PHKB: variants seen among roughly 807,000 people sequenced by gnomAD.
PHKB encodes the protein phosphorylase kinase regulatory subunit beta.
Under a neutral mutation model 152.1 loss-of-function variants are expected in PHKB, and 122 were observed. That is an observed-to-expected ratio of 0.80 (90% CI 0.69 to 0.93). The LOEUF (loss-of-function observed/expected upper bound fraction) is 0.93, where lower values mean the gene tolerates loss of function less well. PHKB is among the 40% of genes least tolerant of loss of function. The pLI is 0.00. For synonymous variants in PHKB, 436 were observed against 464.9 expected, an observed-to-expected ratio of 0.94 and a Z score of 0.80; for missense variants, 1,304 against 1,328.4, an observed-to-expected ratio of 0.98 and a Z score of 0.29.
intron 8 of PHKB, among the ~76,000 whole-genome samples, chr16:47,586,708 A>T (rs549219466): frequency 1.3e-5 from 2 of 152,330 alleles, no homozygotes; most frequent in Admixed American, 6.5e-5. Flanking sequence ...TTAAAGTAAC[A>T]TGAAATTTAT....
At chr16:47,545,093 A>AT (rs1366319187) in intron 6 of PHKB, among the ~76,000 whole-genome samples, 1 of 152,158 alleles carries the variant, frequency 6.6e-6, no homozygotes, top group Non-Finnish European at 1.5e-5. Flanking sequence ...GCCCATTTAC[A>AT]TTTAAGGTTA....
At chr16:47,544,479 A>G (rs1187580232) in intron 6 of PHKB, among the ~76,000 whole-genome samples, 1 of 152,160 alleles carries the variant, frequency 6.6e-6, no homozygotes, top group Non-Finnish European at 1.5e-5. Context: ...TTGTTCTTTT[A>G]CATTTGCTGA....
At chr16:47,468,541 T>C (rs1310680680) in intron 1 of PHKB, among the ~76,000 whole-genome samples, 1 of 152,224 alleles carries the variant, frequency 6.6e-6, no homozygotes, top group Non-Finnish European at 1.5e-5. Context: ...TAATCTCAGC[T>C]ACTCGGGAAG....
At chr16:47,485,379 A>G (rs764797982) in intron 1 of PHKB, among the ~76,000 whole-genome samples, 2 of 152,216 alleles carry the variant, frequency 1.3e-5, no homozygotes, top group Admixed American at 6.5e-5. Context: ...TTAACTATAG[A>G]GGTTAAGATG....
At chr16:47,618,217 A>C (rs534530939) in intron 14 of PHKB, among the ~76,000 whole-genome samples, 1 of 152,156 alleles carries the variant, frequency 6.6e-6, no homozygotes, top group African/African-American at 2.4e-5. Flanking sequence ...CATCTTTTAC[A>C]CTAGAAATGT....
intron 6 of PHKB, among the ~76,000 whole-genome samples, chr16:47,522,913 C>T (rs1373226672): frequency 1.4e-5 from 2 of 147,784 alleles, no homozygotes; most frequent in Non-Finnish European, 3.0e-5. Flanking sequence ...GGTATGATCT[C>T]TGTACATTAT....
At chr16:47,541,316 G>A (rs1372841864) in intron 6 of PHKB, among the ~76,000 whole-genome samples, 1 of 152,174 alleles carries the variant, frequency 6.6e-6, no homozygotes. Context: ...TCCCCGCAAA[G>A]GACATGAGCT....
At chr16:47,632,024 G>A (rs1482448218) in intron 14 of PHKB, among the ~76,000 whole-genome samples, 1 of 152,156 alleles carries the variant, frequency 6.6e-6, no homozygotes, top group African/African-American at 2.4e-5. Flanking sequence ...TTATCAACAA[G>A]CTGTCGTGTA....
At chr16:47,547,732 T>C in intron 7 of PHKB, 184 bp downstream of exon 7, 1 of 559,706 alleles carries the variant, frequency 1.8e-6, no homozygotes, top group Middle Eastern at 4.9e-4. Flanking sequence ...TCAGTACCCA[T>C]AAACAGATGC....
intron 5 of PHKB, among the ~76,000 whole-genome samples, chr16:47,512,126 T>C (rs1870128496): frequency 6.6e-6 from 1 of 152,146 alleles, no homozygotes; most frequent in African/African-American, 2.4e-5. Flanking sequence ...TGTGGACCCA[T>C]AGCAGTCTGT....
intron 13 of PHKB, among the ~76,000 whole-genome samples, chr16:47,602,656 T>C (rs1972251692): frequency 6.6e-6 from 1 of 151,342 alleles, no homozygotes; most frequent in South Asian, 2.1e-4. Flanking sequence ...GAATGTAAAA[T>C]CTGCCACTTA....
At chr16:47,689,267 A>C in intron 27 of PHKB, 92 bp downstream of exon 27, 2 of 1,314,442 alleles carry the variant, frequency 1.5e-6, no homozygotes, top group South Asian at 1.2e-5. Context: ...TTGATAAGAT[A>C]TTAATAAGTA....
rs1974096940 is a variant in PHKB at position 47,693,444 on chromosome 16, A to G, written c.2832A>G (p.Arg944=). 12 of 1,614,066 alleles carry G rather than the reference A, an allele frequency of 7.4e-6. No individual in the cohort carries two copies. Among genetic ancestry groups the G allele is most frequent in the Non-Finnish European group, 9.3e-6 (11 of 1,179,988 alleles). The change falls in exon 28 of 31, where the codon CGA becomes CGG. Residue 944 remains arginine (R), a synonymous_variant. Coordinates refer to ENST00000323584, the MANE Select transcript of PHKB (RefSeq NM_000293.3). Reference sequence around the variant, plus strand: ...GAACTCCCACCGGGTTCTATGACCGAGTGTGGCAGATTCTGGAGCGCACGC... The same window carrying G: ...GAACTCCCACCGGGTTCTATGACCGGGTGTGGCAGATTCTGGAGCGCACGC... ...LNRTPTGFYD[R]VWQILERTPN...
chr16:47,548,415 T>C (rs547256183), intron 7 of PHKB, among the ~76,000 whole-genome samples: 2 of 152,206 alleles, frequency 1.3e-5, no homozygotes, highest in Non-Finnish European at 2.9e-5. Context: ...AAGACCAGCG[T>C]GGCCAACATG....
At chr16:47,616,521 ATATT>A (rs930130561) in intron 14 of PHKB, among the ~76,000 whole-genome samples, 1 of 145,878 alleles carries the variant, frequency 6.9e-6, no homozygotes, top group Non-Finnish European at 1.5e-5. Flanking sequence ...ATATAAATAT[ATATT>A]TATAATATAT....
intron 7 of PHKB, among the ~76,000 whole-genome samples, chr16:47,574,650 T>C (rs1400648323): frequency 6.6e-6 from 1 of 152,126 alleles, no homozygotes; most frequent in Non-Finnish European, 1.5e-5. Flanking sequence ...AGAAATCACA[T>C]GACAAGAGAG....
At chr16:47,503,254 T>C (rs1970354375) in intron 4 of PHKB, among the ~76,000 whole-genome samples, 164 bp downstream of exon 4, 1 of 152,164 alleles carries the variant, frequency 6.6e-6, no homozygotes, top group Non-Finnish European at 1.5e-5. Flanking sequence ...TAGCCCAGGG[T>C]TTGAAATCCT....
intron 7 of PHKB, 113 bp downstream of exon 7, chr16:47,547,661 A>AT: frequency 2.8e-6 from 2 of 704,052 alleles, no homozygotes; most frequent in Non-Finnish European, 5.0e-6. Flanking sequence ...ATTTGTAGCA[A>AT]TTTTTTTCTA....
chr16:47,544,230 T>C (rs1312717024), intron 6 of PHKB, among the ~76,000 whole-genome samples: 4 of 152,250 alleles, frequency 2.6e-5, no homozygotes, highest in Admixed American at 1.3e-4. Context: ...CATTTAGTGC[T>C]ATAAATTTCC....
Sources: allele counts gnomAD v4.1 joint callset (sites outside exome capture counted in the v4.1 genomes callset), GRCh38; gene constraint gnomAD v4.1.1; transcripts MANE v1.5; gene names NCBI Gene and HGNC (gene_info 2026-07-23, HGNC 2026-07-21).